The following IRGM variants were observed in gnomAD, a reference collection of about 807,000 sequenced individuals.
The protein encoded by IRGM is immunity-related GTPase family M protein.
For synonymous variants in IRGM, 98 were observed against 80.6 expected (o/e 1.22, Z -1.16); for missense variants, 288 against 219.9 (o/e 1.31, Z -1.96).
intron 1 of IRGM, among the ~76,000 whole-genome samples, chr5:150,869,037 A>G (rs1415624004): frequency 2.0e-5 from 3 of 152,024 alleles, no homozygotes; most frequent in Non-Finnish European, 4.4e-5. Context: ...AGAAGTGGTG[A>G]TAGTGGGCAT....
At chr5:150,901,111 T>C (rs534368852), downstream of IRGM, among the ~76,000 whole-genome samples, 2 of 152,122 alleles carry the variant, frequency 1.3e-5, no homozygotes, top group South Asian at 2.1e-4. Context: ...TTCTGGATGG[T>C]AGGGAACTAA....
In IRGM at chr5:150,890,828, T is replaced by C. The variant is rs554371436; in HGVS notation, c.*141-9761T>C. On this transcript the variant is annotated intron_variant and NMD_transcript_variant, in intron 3 of 3. Transcript: ENST00000520549. Reference sequence around the variant, plus strand: ...TCTAATGAATTAAATTAGAATCACATGAGAATGAGTCACCTTACCTTTTAA... The same window carrying C: ...TCTAATGAATTAAATTAGAATCACACGAGAATGAGTCACCTTACCTTTTAA... Among the ~76,000 whole-genome samples the C allele has an allele frequency of 7.9e-5, 12 of 152,190 alleles. 1 individual carries two copies. The South Asian group carries it at 2.5e-3, about 32-fold the overall frequency.
chr5:150,893,703 C>T (rs1462579246), intron 3 of IRGM, among the ~76,000 whole-genome samples: 1 of 152,060 alleles, frequency 6.6e-6, no homozygotes, highest in Non-Finnish European at 1.5e-5. Context: ...TGCCATTTAC[C>T]AACAGAGGGG....
chr5:150,865,696 C>T (rs1206653977), intron 1 of IRGM, among the ~76,000 whole-genome samples: 2 of 152,144 alleles, frequency 1.3e-5, no homozygotes, highest in Non-Finnish European at 2.9e-5. Context: ...TGGGAAAACA[C>T]GCCTCTCCAC....
At chr5:150,890,488 C>T (rs1031591156) in intron 3 of IRGM, among the ~76,000 whole-genome samples, 1 of 151,814 alleles carries the variant, frequency 6.6e-6, no homozygotes, top group East Asian at 1.9e-4. Context: ...TGCTTTGAAC[C>T]AATCATTCTG....
intron 3 of IRGM, among the ~76,000 whole-genome samples, chr5:150,893,212 TTGTTCTAGAA>T (rs1245532806): frequency 6.6e-6 from 1 of 152,148 alleles, no homozygotes; most frequent in African/African-American, 2.4e-5. Flanking sequence ...TTTCCTCCCA[TTGTTCTAGAA>T]TGCCAACTTT....
chr5:150,894,258 T>C (rs1466292957), intron 3 of IRGM: 1 of 151,500 alleles, frequency 6.6e-6, no homozygotes, highest in East Asian at 1.9e-4. Context: ...ATAGTAGGTG[T>C]TATCTTAGAG....
intron 3 of IRGM, among the ~76,000 whole-genome samples, chr5:150,888,959 A>G (rs1754566474): frequency 6.6e-6 from 1 of 152,060 alleles, no homozygotes; most frequent in Non-Finnish European, 1.5e-5. Flanking sequence ...TTCTTTCAGC[A>G]ATGTTCTATA....
intron 2 of IRGM, chr5:150,878,218 G>A (rs1754393731): frequency 2.7e-6 from 1 of 364,408 alleles, no homozygotes; most frequent in Non-Finnish European, 5.3e-6. Context: ...ACTTTGTGAG[G>A]CTAGAGAGTA....
At position 150,848,398 on chromosome 5, in the gene IRGM, C is replaced by T. The variant is rs1358694005; in HGVS notation, c.275C>T (p.Pro92Leu). The T allele has an allele frequency of 6.4e-7, 1 of 1,551,732 alleles. No homozygotes were observed. The highest frequency in any genetic ancestry group is 1.4e-5 in the African/African-American group (1 of 73,040). The change falls in exon 2 of 2, where the codon CCT becomes CTT. Residue 92 changes from proline to leucine, a missense_variant. By Grantham distance (98) the Pro-to-Leu change is moderately conservative. Transcript: ENST00000522154. Reference sequence around the variant, plus strand: ...TCAAATGTGGTGTTGTGGGACCTGCCTGGCACAGGGTCTGCCACCACAACC... The same window carrying T: ...TCAAATGTGGTGTTGTGGGACCTGCTTGGCACAGGGTCTGCCACCACAACC... ...HFSNVVLWDL[P>L]GTGSATTTLE...
chr5:150,900,772 G>A (rs1458341940), downstream of IRGM: 6 of 151,834 alleles, frequency 4.0e-5, no homozygotes, highest in Non-Finnish European at 7.4e-5. Context: ...TGTTTTATCT[G>A]AAGAAAAGTA....
intron 3 of IRGM, among the ~76,000 whole-genome samples, chr5:150,884,123 T>A (rs1397540015): frequency 2.0e-5 from 3 of 151,964 alleles, no homozygotes; most frequent in African/African-American, 7.2e-5. Context: ...TATATCACAT[T>A]AACGGAATGA....
chr5:150,847,130 G>A lies in IRGM; in HGVS notation c.-506G>A, dbSNP rs545564448. The A allele has an allele frequency of 7.9e-5, 12 of 152,476 alleles. No individual in the cohort carries two copies. The highest frequency in any genetic ancestry group is 2.6e-4 in the African/African-American group (11 of 41,546). The allele number at this position is 152,476 out of a possible 1,614,324, so 9.4% of individuals were successfully genotyped here. On this transcript the variant is annotated 5_prime_UTR_variant, in exon 1 of 2. An upstream start codon of the reference 5' UTR is lost. Coordinates refer to ENST00000522154, the MANE Select transcript of IRGM (RefSeq NM_001145805.2). The stretch of plus-strand genomic sequence containing the variant: ...TTGGGCCCAACATGACAGTCTTAAT[G>A]GAAGCTCGGGGGTCAAAGGCTGGTG...
intron 3 of IRGM, among the ~76,000 whole-genome samples, chr5:150,886,054 C>G (rs1407330841): frequency 6.6e-6 from 1 of 151,976 alleles, no homozygotes; most frequent in African/African-American, 2.4e-5. Context: ...ACAGATGGCT[C>G]TTAGTATTTT....
intron 1 of IRGM, among the ~76,000 whole-genome samples, chr5:150,867,222 T>TTAAG (rs1394948286): frequency 6.6e-6 from 1 of 152,212 alleles, no homozygotes; most frequent in Non-Finnish European, 1.5e-5. Context: ...TCACTGCCAC[T>TTAAG]TATAAGTGAG....
chr5:150,864,230 G>A (rs1196811215), intron 1 of IRGM, among the ~76,000 whole-genome samples: 1 of 152,092 alleles, frequency 6.6e-6, no homozygotes, highest in African/African-American at 2.4e-5. Flanking sequence ...CCAGCCAGAC[G>A]CTTGACCTTC....
At chr5:150,876,386 G>C (rs1379402883) in intron 1 of IRGM, among the ~76,000 whole-genome samples, 1 of 152,182 alleles carries the variant, frequency 6.6e-6, no homozygotes, top group Non-Finnish European at 1.5e-5. Context: ...TGCTGGCCTA[G>C]AGGTCTCAGT....
intron 3 of IRGM, among the ~76,000 whole-genome samples, chr5:150,893,047 G>A (rs1422500737): frequency 6.6e-6 from 1 of 151,802 alleles, no homozygotes; most frequent in Non-Finnish European, 1.5e-5. Flanking sequence ...GTATTTTCAG[G>A]CTTTCTTTTT....
chr5:150,861,499 G>A (rs1754135436), intron 1 of IRGM, among the ~76,000 whole-genome samples: 1 of 152,200 alleles, frequency 6.6e-6, no homozygotes, highest in African/African-American at 2.4e-5. Flanking sequence ...ACACCAGAGG[G>A]AGTTGTTCAT....
Sources: allele counts gnomAD v4.1 joint callset (sites outside exome capture counted in the v4.1 genomes callset), GRCh38; gene constraint gnomAD v4.1.1; transcripts MANE v1.5; gene names NCBI Gene and HGNC (gene_info 2026-07-23, HGNC 2026-07-21).